The following TPP2 variants were observed in gnomAD, a reference collection of about 807,000 sequenced individuals.
TPP2 encodes the protein tripeptidyl-peptidase 2.
In TPP2, 34 loss-of-function variants were observed where a neutral mutation model predicts 155.9. The ratio of observed to expected loss-of-function variants is 0.22; its 90% CI spans 0.17 to 0.29. TPP2 has a LOEUF of 0.29. TPP2 is among the 10% of genes least tolerant of loss of function. The probability of loss-of-function intolerance (pLI) is 1.00; values close to 1 mark genes in which losing one functional copy is unlikely to be tolerated. For missense variants in TPP2, 1,028 were observed against 1,522.3 expected (o/e 0.68, Z 5.40); for synonymous variants, 510 against 529.4 (o/e 0.96, Z 0.50).
chr13:102,627,297 C>A (rs1881693212), intron 7 of TPP2, 131 bp downstream of exon 7: 1 of 692,734 alleles, frequency 1.4e-6, no homozygotes, highest in African/African-American at 1.9e-5. Flanking sequence ...TTTAACAAAG[C>A]AAAAATATTT....
At chr13:102,629,250 C>T (rs1881854500) in intron 8 of TPP2, among the ~76,000 whole-genome samples, 2 of 152,116 alleles carry the variant, frequency 1.3e-5, no homozygotes, top group South Asian at 4.1e-4. Context: ...TATATTTTCC[C>T]ATATATATTG....
At chr13:102,641,216 G>A (rs1358180824) in intron 16 of TPP2, among the ~76,000 whole-genome samples, 1 of 152,158 alleles carries the variant, frequency 6.6e-6, no homozygotes, top group Non-Finnish European at 1.5e-5. Context: ...TTCACAAGTT[G>A]TGTGTCCTAA....
intron 1 of TPP2, among the ~76,000 whole-genome samples, 168 bp downstream of exon 1, chr13:102,597,371 G>T (rs908406739): frequency 2.6e-5 from 4 of 152,162 alleles, no homozygotes; most frequent in Non-Finnish European, 5.9e-5. Context: ...CGGGAGGGAC[G>T]GGCGCCCGCC....
At chr13:102,630,044 A>C (rs1881914076) in intron 9 of TPP2, 52 bp from the exon 10 acceptor site, 1 of 1,497,084 alleles carries the variant, frequency 6.7e-7, no homozygotes. Context: ...GTGGATTTGG[A>C]ATCAGGATCC....
At position 102,679,207 on chromosome 13, in the gene TPP2, G is replaced by T. The variant is rs1885483008; in HGVS notation, c.*891G>T. On this transcript the variant is annotated 3_prime_UTR_variant, in exon 30 of 30. Coordinates refer to ENST00000376052, the MANE Select transcript of TPP2 (RefSeq NM_001330588.2). ...TTAATTTTTCATAAATAAAATTTGG[G>T]GTTATAACAGAAATAATACATTAAA... The T allele has an allele frequency of 2.0e-5, 3 of 152,034 alleles. No homozygotes were observed. Among genetic ancestry groups the T allele is most frequent in the African/African-American group, 7.3e-5 (3 of 41,338 alleles). The allele number at this position is 152,034 out of a possible 1,614,324, so 9.4% of individuals were successfully genotyped here. A position where few individuals can be genotyped will look rare whatever the true frequency, so the allele number is the denominator to read the frequency against.
At chr13:102,600,843 A>G (rs1165710440) in intron 1 of TPP2, among the ~76,000 whole-genome samples, 1 of 151,012 alleles carries the variant, frequency 6.6e-6, no homozygotes, top group Non-Finnish European at 1.5e-5. Flanking sequence ...TTGTGTTTTT[A>G]CATGTTTTTG....
intron 5 of TPP2, among the ~76,000 whole-genome samples, chr13:102,622,278 T>C (rs1881220358): frequency 6.6e-6 from 1 of 152,252 alleles, no homozygotes; most frequent in African/African-American, 2.4e-5. Flanking sequence ...ACTTTTTGAA[T>C]ATTAAGTGTA....
At position 102,623,029 on chromosome 13, in the gene TPP2, T is replaced by C; in HGVS notation, c.773T>C (p.Val258Ala). ...GATGATGGAAACCTGCTCTCCATTGTGACCAGTGGAGGTATCCCATTTCAG... is the reference window on the plus strand; with the variant it reads ...GATGATGGAAACCTGCTCTCCATTGCGACCAGTGGAGGTATCCCATTTCAG... ...IYDDGNLLSI[V>A]TSGGAHGTHV... Residue 258 changes from valine (V) to alanine (A), a missense_variant, in exon 6 of 30, where the codon GTG becomes GCG. Around this residue, in one of 7 missense-constraint regions of TPP2, gnomAD observed 300 missense variants for 398.3 expected, o/e 0.75. Transcript: ENST00000376052. 1 of 1,612,826 alleles carries C rather than the reference T, an allele frequency of 6.2e-7. No homozygotes were observed. The highest frequency in any genetic ancestry group is 8.5e-7 in the Non-Finnish European group (1 of 1,179,652).
chr13:102,646,312 A>C lies in TPP2; in HGVS notation c.2412A>C (p.Thr804=). 1.2e-6 allele frequency: 2 copies of C among 1,612,774 alleles called. No homozygotes were observed. Among genetic ancestry groups the C allele is most frequent in the Non-Finnish European group, 1.7e-6 (2 of 1,179,438 alleles). The part of the protein sequence containing the change: ...VQTLRPVSAK[T]KPLGSRDVLP... Reference sequence around the variant, plus strand: ...ATTACAGCCCAGTGAGTGCAAAAACAAAACCTTTAGGATCAAGAGATGTTT... The same window carrying C: ...ATTACAGCCCAGTGAGTGCAAAAACCAAACCTTTAGGATCAAGAGATGTTT... The change falls in exon 20 of 30, where the codon ACA becomes ACC. Residue 804 remains threonine (T), a synonymous_variant. Coordinates refer to ENST00000376052, the MANE Select transcript of TPP2 (RefSeq NM_001330588.2).
intron 12 of TPP2, 94 bp downstream of exon 12, chr13:102,635,796 C>A: frequency 1.1e-6 from 1 of 936,362 alleles, no homozygotes; most frequent in Non-Finnish European, 1.6e-6. Flanking sequence ...AACAGTGATT[C>A]AGTATATCTG....
chr13:102,639,336 A>T (rs538621099), intron 15 of TPP2, among the ~76,000 whole-genome samples: 2 of 152,328 alleles, frequency 1.3e-5, no homozygotes, highest in East Asian at 3.9e-4. Flanking sequence ...TATGCAATAG[A>T]TCTCAGCCCA....
At chr13:102,623,312 C>G (rs143341000) in intron 6 of TPP2, among the ~76,000 whole-genome samples, 1 of 152,278 alleles carries the variant, frequency 6.6e-6, no homozygotes, top group East Asian at 1.9e-4. Context: ...GCCTGTGATC[C>G]TAGCACCTTG....
Position 102,664,918 on chromosome 13 carries a change from A to C in TPP2, c.3364A>C (p.Ile1122Leu). The change falls in exon 27 of 30, where the codon ATA (isoleucine) becomes CTA (leucine). Residue 1122 changes from isoleucine (I) to leucine (L), a missense_variant. Physicochemically the swap from Ile to Leu is conservative, Grantham distance 5. Transcript: ENST00000376052. Reference protein sequence around the residue: ...KTDPRPDAATIKNDMDKQKST... With the variant: ...KTDPRPDAATLKNDMDKQKST... ...TGATCCCAGGCCTGATGCAGCTACT[A>C]TAAAAAAGTACCTAACCAGTAAATA... 1 of 1,611,954 alleles carries C rather than the reference A, an allele frequency of 6.2e-7. No individual in the cohort carries two copies. Among genetic ancestry groups the C allele is most frequent in the Middle Eastern group, 1.7e-4 (1 of 6,046 alleles).
At chr13:102,600,639 C>T (rs1266018945) in intron 1 of TPP2, among the ~76,000 whole-genome samples, 1 of 151,860 alleles carries the variant, frequency 6.6e-6, no homozygotes, top group African/African-American at 2.4e-5. Flanking sequence ...ATGACATGTG[C>T]TTGTAATGTT....
intron 11 of TPP2, among the ~76,000 whole-genome samples, chr13:102,634,679 TCTC>T (rs965824266): frequency 6.6e-6 from 1 of 152,062 alleles, no homozygotes; most frequent in Admixed American, 6.5e-5. Flanking sequence ...GCTCACCACA[TCTC>T]CTCAGCATGG....
chr13:102,623,178 G>A (rs1331691595), intron 6 of TPP2, 138 bp downstream of exon 6: 1 of 940,906 alleles, frequency 1.1e-6, no homozygotes, highest in Admixed American at 2.7e-5. Context: ...AATCATAAAG[G>A]TGATTTGATT....
chr13:102,651,225 T>G, intron 23 of TPP2, 134 bp from the exon 24 acceptor site: 6 of 848,516 alleles, frequency 7.1e-6, no homozygotes, highest in Non-Finnish European at 1.0e-5. Flanking sequence ...CATGCCATCT[T>G]AATCACAGAC....
At chr13:102,651,196 A>G (rs1883463608) in intron 23 of TPP2, among the ~76,000 whole-genome samples, 163 bp from the exon 24 acceptor site, 1 of 152,218 alleles carries the variant, frequency 6.6e-6, no homozygotes, top group African/African-American at 2.4e-5. Context: ...GAAAGTGGCA[A>G]TGTTGCTTTC....
At chr13:102,669,429 C>G (rs1034988329) in intron 27 of TPP2, among the ~76,000 whole-genome samples, 6 of 152,010 alleles carry the variant, frequency 3.9e-5, no homozygotes, top group African/African-American at 1.5e-4. Context: ...GTGGGCCGCT[C>G]CATAAATGCA....
Sources: allele counts gnomAD v4.1 joint callset (sites outside exome capture counted in the v4.1 genomes callset), GRCh38; gene constraint gnomAD v4.1.1; regional missense constraint gnomAD v4.1.1; transcripts MANE v1.5; gene names NCBI Gene and HGNC (gene_info 2026-07-23, HGNC 2026-07-21).